The following ACTN4 variants were observed in gnomAD, a reference collection of about 807,000 sequenced individuals.
The protein encoded by ACTN4 is alpha-actinin-4.
In ACTN4, 18 loss-of-function variants were observed where a neutral mutation model predicts 114.2. The observed-to-expected ratio is 0.16, with a 90% CI of 0.11 to 0.23. The LOEUF (loss-of-function observed/expected upper bound fraction) is 0.23, where lower values mean the gene tolerates loss of function less well. Ranked by LOEUF, ACTN4 falls within the 10% of genes least tolerant of loss-of-function variation. The probability of loss-of-function intolerance (pLI) is 1.00; values close to 1 mark genes in which losing one functional copy is unlikely to be tolerated. For synonymous variants in ACTN4, 515 were observed against 506.3 expected (o/e 1.02, Z -0.23); for missense variants, 722 against 1,262.9 (o/e 0.57, Z 6.49).
chr19:38,721,498 C>T (rs1969038836), intron 11 of ACTN4, 40 bp from the exon 12 acceptor site: 1 of 1,612,414 alleles, frequency 6.2e-7, no homozygotes, highest in Non-Finnish European at 8.5e-7. Flanking sequence ...TGCCCCACAG[C>T]TGCCGTGCTG....
intron 1 of ACTN4, among the ~76,000 whole-genome samples, chr19:38,688,584 A>T (rs1366805733): frequency 6.6e-6 from 1 of 151,666 alleles, no homozygotes; most frequent in African/African-American, 2.4e-5. Flanking sequence ...ATAATAATAA[A>T]AATGAGAAAT....
chr19:38,701,713 G>C (rs1968282590), intron 3 of ACTN4, among the ~76,000 whole-genome samples: 1 of 152,226 alleles, frequency 6.6e-6, no homozygotes, highest in African/African-American at 2.4e-5. Flanking sequence ...GCCCTCACTA[G>C]AGCAGCAGGC....
chr19:38,653,581 A>G (rs1464023268), intron 1 of ACTN4, among the ~76,000 whole-genome samples: 2 of 152,140 alleles, frequency 1.3e-5, no homozygotes. Flanking sequence ...TTGCCTTAGT[A>G]TATCCTAGAG....
At chr19:38,687,150 GAGACGGCTGGTCTCTACTAATAGTTCA>G (rs1237057812) in intron 1 of ACTN4, among the ~76,000 whole-genome samples, 1 of 152,012 alleles carries the variant, frequency 6.6e-6, no homozygotes, top group East Asian at 1.9e-4. Context: ...ATTATTAGTA[GAGACGGCTGGTCTCTACTAATAGTTCA>G]AGACGGCTGG....
chr19:38,711,430 C>A (rs557101095), intron 8 of ACTN4: 44 of 785,956 alleles, frequency 5.6e-5, no homozygotes, highest in Non-Finnish European at 6.7e-5. Flanking sequence ...CTTGCATCAC[C>A]GCTGGCCATC....
At chr19:38,708,873 C>G (rs1354784457) in intron 6 of ACTN4, among the ~76,000 whole-genome samples, 1 of 152,198 alleles carries the variant, frequency 6.6e-6, no homozygotes, top group Non-Finnish European at 1.5e-5. Flanking sequence ...CCAGCCCGTT[C>G]CAGCCACAGT....
chr19:38,692,752 A>T (rs1478207143), intron 1 of ACTN4, among the ~76,000 whole-genome samples: 1 of 152,162 alleles, frequency 6.6e-6, no homozygotes, highest in East Asian at 1.9e-4. Flanking sequence ...CTACCCAGGA[A>T]TAAATAGCTG....
intron 1 of ACTN4, among the ~76,000 whole-genome samples, chr19:38,681,733 C>A (rs1337373888): frequency 6.6e-6 from 1 of 152,214 alleles, no homozygotes; most frequent in Admixed American, 6.5e-5. Flanking sequence ...TCAGGGTCTC[C>A]CCCAGACCCT....
At position 38,730,843 on chromosome 19, in the gene ACTN4, C is replaced by A. The variant is rs1358895858; in HGVS notation, c.*1411C>A. 3.2e-6 allele frequency: 5 copies of A among 1,551,014 alleles called. No individual in the cohort carries two copies. Among genetic ancestry groups the A allele is most frequent in the Non-Finnish European group, 2.6e-6 (3 of 1,147,234 alleles). ...TGCCCTGAGCAGCAGGTGCGCCCAT[C>A]CGGAGATCCTAGGAGAAGGTGGCCA... On this transcript the variant is annotated 3_prime_UTR_variant, in exon 21 of 21. Coordinates refer to ENST00000252699, the MANE Select transcript of ACTN4 (RefSeq NM_004924.6).
At chr19:38,694,673 T>C (rs1283749333) in intron 1 of ACTN4, among the ~76,000 whole-genome samples, 1 of 152,164 alleles carries the variant, frequency 6.6e-6, no homozygotes, top group Non-Finnish European at 1.5e-5. Context: ...ATGTATCATC[T>C]GTGTCTGTGT....
At chr19:38,715,622 C>T (rs1256812924) in intron 9 of ACTN4, among the ~76,000 whole-genome samples, 1 of 152,186 alleles carries the variant, frequency 6.6e-6, no homozygotes, top group Non-Finnish European at 1.5e-5. Flanking sequence ...GATGTCCAAC[C>T]TAAGAGGGCC....
At chr19:38,652,365 C>T (rs919406519) in intron 1 of ACTN4, among the ~76,000 whole-genome samples, 1 of 152,176 alleles carries the variant, frequency 6.6e-6, no homozygotes. Flanking sequence ...TAGAACTTGA[C>T]TCTTCTAATG....
rs755060019 is a variant in ACTN4 at position 38,700,992 on chromosome 19, C to T, written c.278-10C>T. 1 of 1,613,420 alleles carries T rather than the reference C, an allele frequency of 6.2e-7. No homozygotes were observed. The highest frequency in any genetic ancestry group is 1.3e-5 in the African/African-American group (1 of 75,050). ...TCTCGCCCCCTCTTTTCTCTTTGTG[C>T]ACTTCTCAGGGGAGCGGTTACCTAA... On this transcript the variant is annotated splice_polypyrimidine_tract_variant and intron_variant, in intron 2 of 20. Coordinates refer to ENST00000252699, the MANE Select transcript of ACTN4 (RefSeq NM_004924.6).
intron 4 of ACTN4, among the ~76,000 whole-genome samples, 155 bp from the exon 5 acceptor site, chr19:38,705,889 C>T (rs2145013376): frequency 6.6e-6 from 1 of 152,334 alleles, no homozygotes; most frequent in South Asian, 2.1e-4. Context: ...GAGTGGCTGT[C>T]CCGCTGCTAT....
At chr19:38,684,764 C>T (rs1222903884) in intron 1 of ACTN4, among the ~76,000 whole-genome samples, 1 of 151,958 alleles carries the variant, frequency 6.6e-6, no homozygotes, top group African/African-American at 2.4e-5. Flanking sequence ...CTTTTCTTTT[C>T]TCTTCTTTCT....
chr19:38,703,181 G>A (rs1968340830), intron 3 of ACTN4, among the ~76,000 whole-genome samples: 1 of 151,566 alleles, frequency 6.6e-6, no homozygotes, highest in African/African-American at 2.4e-5. Context: ...TTTCTCTTAA[G>A]TTACTGAGGC....
chr19:38,669,338 T>C (rs1026255633), intron 1 of ACTN4, among the ~76,000 whole-genome samples: 1 of 152,128 alleles, frequency 6.6e-6, no homozygotes, highest in Non-Finnish European at 1.5e-5. Context: ...TGGAAAGGAA[T>C]GACAGATTGA....
At chr19:38,662,332 G>C (rs1976913135) in intron 1 of ACTN4, among the ~76,000 whole-genome samples, 1 of 152,220 alleles carries the variant, frequency 6.6e-6, no homozygotes, top group Admixed American at 6.5e-5. Context: ...ACCTTCATGG[G>C]TTGTCTAGAG....
chr19:38,660,274 A>G (rs1204658890), intron 1 of ACTN4, among the ~76,000 whole-genome samples: 1 of 152,212 alleles, frequency 6.6e-6, no homozygotes, highest in Non-Finnish European at 1.5e-5. Flanking sequence ...GACAGCATGC[A>G]TATAGATAAT....
Sources: allele counts gnomAD v4.1 joint callset (sites outside exome capture counted in the v4.1 genomes callset), GRCh38; gene constraint gnomAD v4.1.1; transcripts MANE v1.5; gene names NCBI Gene and HGNC (gene_info 2026-07-23, HGNC 2026-07-21).